Variants in LRRTM4 observed in about 807,000 individuals in gnomAD.
LRRTM4 encodes leucine rich repeat transmembrane neuronal 4.
Under a neutral mutation model 47.6 loss-of-function variants are expected in LRRTM4, and 25 were observed. That is an observed-to-expected ratio of 0.53 (90% CI 0.38 to 0.73). The LOEUF (loss-of-function observed/expected upper bound fraction) is 0.73. Ranked by LOEUF, LRRTM4 falls within the 30% of genes least tolerant of loss-of-function variation. LRRTM4 has a pLI of 0.00. For missense variants in LRRTM4, 638 were observed against 713.4 expected (o/e 0.89, Z 1.20); for synonymous variants, 311 against 269.5 (o/e 1.15, Z -1.51).
chr2:76,788,720 A>G lies in LRRTM4; in HGVS notation c.1552-39804T>C, dbSNP rs185475121. ...CTTTGTTCAGTGTCCTTTTATATCT[A>G]TTCTATCAATGTGATTTCAGAAAGA... On this transcript the variant is annotated intron_variant, in intron 3 of 3. Coordinates refer to ENST00000409884, the MANE Select transcript of LRRTM4 (RefSeq NM_001134745.3). 3.2e-3 allele frequency among the ~76,000 whole-genome samples: 484 copies of G among 152,328 alleles called. 2 individuals are homozygous for G. Among genetic ancestry groups the G allele is most frequent in the Middle Eastern group, 6.8e-3 (2 of 294 alleles).
intron 3 of LRRTM4, among the ~76,000 whole-genome samples, chr2:77,364,392 T>C (rs893229941): frequency 5.3e-5 from 8 of 152,096 alleles, no homozygotes; most frequent in Non-Finnish European, 1.0e-4. Flanking sequence ...CAGGAAATTG[T>C]GGACTCAAGT....
Position 76,748,638 on chromosome 2 carries a change from AG to A in LRRTM4, c.*56del, listed in dbSNP as rs2104043747. On this transcript the variant is annotated 3_prime_UTR_variant, in exon 4 of 4. Coordinates refer to ENST00000409884, the MANE Select transcript of LRRTM4 (RefSeq NM_001134745.3). ...GATTGTGGACACCCATTCTCCTTTA[AG>A]ATGAAGGCCCTCCCTCCCCCCCATG... 7.2e-7 allele frequency: 1 copy of A among 1,383,036 alleles called. No individual in the cohort carries two copies. The highest frequency in any genetic ancestry group is 1.2e-5 in the South Asian group (1 of 84,722). 85.7% of individuals were successfully genotyped at this position (1,383,036 alleles called of 1,614,324 possible).
intron 3 of LRRTM4, among the ~76,000 whole-genome samples, chr2:77,057,665 G>T (rs989349954): frequency 2.0e-5 from 3 of 152,070 alleles, no homozygotes; most frequent in African/African-American, 7.2e-5. Context: ...CAAGCAAAAC[G>T]CAAGTGCCCT....
chr2:77,139,076 C>T (rs760805977), intron 3 of LRRTM4, among the ~76,000 whole-genome samples: 4 of 152,152 alleles, frequency 2.6e-5, no homozygotes, highest in Non-Finnish European at 5.9e-5. Flanking sequence ...TCTTCTGAAA[C>T]TATTCCAATC....
intron 3 of LRRTM4, among the ~76,000 whole-genome samples, chr2:77,419,688 G>A (rs558220088): frequency 3.9e-5 from 6 of 152,108 alleles, no homozygotes; most frequent in Middle Eastern, 6.8e-3. Flanking sequence ...TTTGTTTGGG[G>A]TTATTACTAA....
chr2:77,000,892 C>A (rs1677398672), intron 3 of LRRTM4, among the ~76,000 whole-genome samples: 1 of 152,068 alleles, frequency 6.6e-6, no homozygotes, highest in South Asian at 2.1e-4. Flanking sequence ...TTCTTGTACA[C>A]TGGGAATCTC....
chr2:77,093,311 T>A (rs1372040544), intron 3 of LRRTM4, among the ~76,000 whole-genome samples: 1 of 149,352 alleles, frequency 6.7e-6, no homozygotes, highest in Non-Finnish European at 1.5e-5. Context: ...CCTTAGGCAC[T>A]CTCTAATCAG....
chr2:77,089,428 C>T (rs1279465029), intron 3 of LRRTM4, among the ~76,000 whole-genome samples: 6 of 149,260 alleles, frequency 4.0e-5, no homozygotes, highest in Admixed American at 2.7e-4. Context: ...CTTATTTCCG[C>T]GCCCCAACCT....
At chr2:77,011,748 ATTGGGGTAAAT>A (rs1677884656) in intron 3 of LRRTM4, among the ~76,000 whole-genome samples, 2 of 152,100 alleles carry the variant, frequency 1.3e-5, no homozygotes, top group African/African-American at 4.8e-5. Context: ...ACATTATCTT[ATTGGGGTAAAT>A]ATATAACTCT....
At chr2:77,042,513 C>A (rs2104180865) in intron 3 of LRRTM4, among the ~76,000 whole-genome samples, 1 of 151,724 alleles carries the variant, frequency 6.6e-6, no homozygotes, top group African/African-American at 2.4e-5. Flanking sequence ...TATAGGTACT[C>A]AACCAAACTG....
chr2:77,478,988 G>A (rs762740611), intron 3 of LRRTM4, among the ~76,000 whole-genome samples: 7 of 152,014 alleles, frequency 4.6e-5, no homozygotes, highest in Middle Eastern at 3.4e-3. Flanking sequence ...TCCGCCTCCC[G>A]GGTTCAAGCA....
At chr2:77,172,791 G>C (rs996523449) in intron 3 of LRRTM4, among the ~76,000 whole-genome samples, 1 of 152,012 alleles carries the variant, frequency 6.6e-6, no homozygotes, top group Non-Finnish European at 1.5e-5. Context: ...ATCTACCTTA[G>C]TCATAATCCC....
At chr2:77,235,924 C>G (rs982669179) in intron 3 of LRRTM4, among the ~76,000 whole-genome samples, 1 of 151,994 alleles carries the variant, frequency 6.6e-6, no homozygotes, top group Non-Finnish European at 1.5e-5. Flanking sequence ...TGTATCCCTG[C>G]CCTATAGTAC....
intron 3 of LRRTM4, among the ~76,000 whole-genome samples, chr2:76,795,582 CACACACACAT>C (rs756675644): frequency 6.9e-5 from 7 of 101,234 alleles, no homozygotes; most frequent in South Asian, 3.3e-4. Context: ...TATATATGCA[CACACACACAT>C]ACACACACAC....
chr2:76,890,364 C>G (rs943857964), intron 3 of LRRTM4, among the ~76,000 whole-genome samples: 3 of 151,966 alleles, frequency 2.0e-5, no homozygotes, highest in African/African-American at 7.2e-5. Context: ...TATGTCCTTA[C>G]CATCTTAATA....
chr2:77,023,433 A>G (rs995134865), intron 3 of LRRTM4, among the ~76,000 whole-genome samples: 1 of 152,210 alleles, frequency 6.6e-6, no homozygotes, highest in African/African-American at 2.4e-5. Context: ...ATATTTCCTC[A>G]GAAAATGGAA....
intron 3 of LRRTM4, among the ~76,000 whole-genome samples, chr2:76,899,629 G>C (rs1227621088): frequency 6.6e-6 from 1 of 152,108 alleles, no homozygotes; most frequent in Non-Finnish European, 1.5e-5. Flanking sequence ...AGCTGAAAGG[G>C]AGGAAAGGCA....
chr2:76,843,445 A>T (rs1037696240), intron 3 of LRRTM4, among the ~76,000 whole-genome samples: 3 of 152,210 alleles, frequency 2.0e-5, no homozygotes, highest in African/African-American at 7.2e-5. Context: ...GTGGCTTTTC[A>T]AGCTCATTTA....
At chr2:77,038,900 A>T (rs369710794) in intron 3 of LRRTM4, among the ~76,000 whole-genome samples, 170 of 151,510 alleles carry the variant, frequency 1.1e-3, no homozygotes, top group African/African-American at 3.7e-3. Flanking sequence ...TAGAGACCAA[A>T]TTACACTTGT....
Sources: allele counts gnomAD v4.1 joint callset (sites outside exome capture counted in the v4.1 genomes callset), GRCh38; gene constraint gnomAD v4.1.1; transcripts MANE v1.5; gene names NCBI Gene and HGNC (gene_info 2026-07-23, HGNC 2026-07-21).